The following MAPK10 variants were observed in gnomAD, a reference collection of about 807,000 sequenced individuals.
MAPK10 encodes the protein JNK3 alpha protein kinase.
In MAPK10, 25 loss-of-function variants were observed where a neutral mutation model predicts 59.3. The observed-to-expected ratio is 0.42, with a 90% CI of 0.31 to 0.59. The LOEUF is 0.59. Ranked by LOEUF, MAPK10 falls within the 20% of genes least tolerant of loss-of-function variation. MAPK10 has a pLI of 0.15. For synonymous variants in MAPK10, 190 were observed against 200.5 expected (o/e 0.95, Z 0.44); for missense variants, 351 against 568.9 (o/e 0.62, Z 3.90).
rs998718994 is a variant in MAPK10 at position 86,046,023 on chromosome 4, G to C, written c.1111-14592C>G. On this transcript the variant is annotated intron_variant, in intron 11 of 13. Coordinates refer to ENST00000641462, the MANE Select transcript of MAPK10 (RefSeq NM_138982.4). ...TCACTAGACCATGGGACAAAGAATT[G>C]AGAATAAAAGACCTAGGAATCCAAC... Among the ~76,000 whole-genome samples, 4 of 151,788 alleles carry C rather than the reference G, an allele frequency of 2.6e-5. 1 individual carries two copies. The East Asian group carries it at 8.0e-4, about 30-fold the overall frequency.
intron 1 of MAPK10, among the ~76,000 whole-genome samples, chr4:86,520,040 T>A (rs990451373): frequency 6.6e-6 from 1 of 152,204 alleles, no homozygotes; most frequent in Non-Finnish European, 1.5e-5. Flanking sequence ...GCCTCACAGC[T>A]CTTAAGATTC....
chr4:86,183,803 T>C (rs879415655), intron 3 of MAPK10, among the ~76,000 whole-genome samples: 94 of 152,332 alleles, frequency 6.2e-4, no homozygotes, highest in Non-Finnish European at 1.1e-3. Context: ...CAGCACCTGT[T>C]GTTTCCTGAC....
At chr4:86,298,376 G>C (rs1301825285) in intron 2 of MAPK10, among the ~76,000 whole-genome samples, 1 of 152,050 alleles carries the variant, frequency 6.6e-6, no homozygotes, top group Non-Finnish European at 1.5e-5. Flanking sequence ...ACAATAAATA[G>C]GTCTGAAGTT....
chr4:86,447,254 C>A (rs1284918600), intron 1 of MAPK10, among the ~76,000 whole-genome samples: 3 of 152,114 alleles, frequency 2.0e-5, no homozygotes, highest in Non-Finnish European at 2.9e-5. Flanking sequence ...AGGGGCTCTT[C>A]CCACTTCGCT....
chr4:86,325,462 C>T (rs1362293507), intron 2 of MAPK10, among the ~76,000 whole-genome samples: 1 of 152,166 alleles, frequency 6.6e-6, no homozygotes, highest in Non-Finnish European at 1.5e-5. Context: ...GCTTGCTTAA[C>T]CACCATACTA....
Position 86,067,762 on chromosome 4 carries a change from G to GA in MAPK10, c.985+10dup. On this transcript the variant is annotated intron_variant, in intron 10 of 13. Coordinates refer to ENST00000641462, the MANE Select transcript of MAPK10 (RefSeq NM_138982.4). ...TCATAGTTGTCCTCAAGTCATTCCTGAAGGGCATACCTTTGAGTTTATTGT... is the reference window on the plus strand; with the variant it reads ...TCATAGTTGTCCTCAAGTCATTCCTGAAAGGGCATACCTTTGAGTTTATTGT... 1 of 1,602,222 alleles carries GA rather than the reference G, an allele frequency of 6.2e-7. No individual in the cohort carries two copies. Among genetic ancestry groups the GA allele is most frequent in the Non-Finnish European group, 8.5e-7 (1 of 1,173,856 alleles).
rs181059314 is a variant in MAPK10 at position 86,301,824 on chromosome 4, T to C, written c.-7+52706A>G. On this transcript the variant is annotated intron_variant, in intron 2 of 13. Coordinates refer to ENST00000641462, the MANE Select transcript of MAPK10 (RefSeq NM_138982.4). ...ATCCAGGCAGAGAGTGTCCCAGTTC[T>C]CCACACTGAGAACCACTACACAACC... Among the ~76,000 whole-genome samples, 342 of 151,846 alleles carry C rather than the reference T, an allele frequency of 2.3e-3. 1 individual carries two copies. Among genetic ancestry groups the C allele is most frequent in the African/African-American group, 7.6e-3 (312 of 41,134 alleles).
In MAPK10 at chr4:86,103,136, GGCT is replaced by G; in HGVS notation, c.425+47_425+49del. On this transcript the variant is annotated intron_variant, in intron 6 of 13. Coordinates refer to ENST00000641462, the MANE Select transcript of MAPK10 (RefSeq NM_138982.4). ...GTGTGTGGTGTGTGATTTTCCCTTG[GGCT>G]ATCTGAGTGCTGTGCTCTCCCTTCC... 3 of 1,116,250 alleles carry G rather than the reference GGCT, an allele frequency of 2.7e-6. No individual in the cohort carries two copies. The South Asian group carries it at 3.8e-5, about 14-fold the overall frequency. The allele number at this position is 1,116,250 out of a possible 1,614,324, so 69.1% of individuals were successfully genotyped here.
At chr4:86,076,357 C>T (rs888502855) in intron 9 of MAPK10, among the ~76,000 whole-genome samples, 1 of 152,212 alleles carries the variant, frequency 6.6e-6, no homozygotes, top group African/African-American at 2.4e-5. Context: ...CCATCTTCTG[C>T]GTCGCTCACG....
intron 11 of MAPK10, among the ~76,000 whole-genome samples, chr4:86,038,719 G>T (rs2040868746): frequency 6.6e-6 from 1 of 151,978 alleles, no homozygotes. Flanking sequence ...TTTCTCTAAA[G>T]CCTTATATTC....
At chr4:86,234,892 T>C (rs1234579068) in intron 2 of MAPK10, among the ~76,000 whole-genome samples, 1 of 152,166 alleles carries the variant, frequency 6.6e-6, no homozygotes, top group African/African-American at 2.4e-5. Context: ...TTTATTTACT[T>C]GATAAAGTAA....
intron 2 of MAPK10, among the ~76,000 whole-genome samples, chr4:86,251,254 C>T (rs1342217615): frequency 1.3e-5 from 2 of 151,584 alleles, no homozygotes; most frequent in South Asian, 2.1e-4. Context: ...ATACATGTGC[C>T]ATGCTGGTGC....
intron 3 of MAPK10, chr4:86,160,194 C>T (rs1187447328): frequency 6.6e-6 from 1 of 151,376 alleles, no homozygotes; most frequent in Non-Finnish European, 1.5e-5. Context: ...ATTGATGAGT[C>T]TGTCTTTAAA....
chr4:86,068,727 A>G (rs1303546004), intron 9 of MAPK10, among the ~76,000 whole-genome samples: 1 of 152,102 alleles, frequency 6.6e-6, no homozygotes, highest in African/African-American at 2.4e-5. Context: ...AAAAAATATT[A>G]CCTCTCTATG....
intron 2 of MAPK10, among the ~76,000 whole-genome samples, chr4:86,238,977 T>C (rs1391154180): frequency 2.0e-5 from 3 of 152,230 alleles, no homozygotes; most frequent in African/African-American, 4.8e-5. Flanking sequence ...ATATTGGCTA[T>C]GGGTTTGTCA....
chr4:86,496,627 T>A (rs1004262117), intron 1 of MAPK10, among the ~76,000 whole-genome samples: 1 of 152,130 alleles, frequency 6.6e-6, no homozygotes, highest in African/African-American at 2.4e-5. Flanking sequence ...CTAGGTTAAG[T>A]TTTTTTAGAG....
intron 1 of MAPK10, among the ~76,000 whole-genome samples, chr4:86,581,327 C>T (rs987054211): frequency 1.8e-4 from 28 of 151,404 alleles, no homozygotes; most frequent in Non-Finnish European, 4.4e-5. Context: ...GAAATAATTT[C>T]AACACATATA....
chr4:86,166,085 G>A (rs2071614131), intron 3 of MAPK10, among the ~76,000 whole-genome samples: 1 of 152,164 alleles, frequency 6.6e-6, no homozygotes. Context: ...CGAAGGTGGG[G>A]AACTAATACT....
chr4:86,538,483 T>C (rs1467191675), intron 1 of MAPK10, among the ~76,000 whole-genome samples: 1 of 152,224 alleles, frequency 6.6e-6, no homozygotes, highest in Non-Finnish European at 1.5e-5. Flanking sequence ...TCTTAATTTC[T>C]GGGAGACAAA....
Sources: allele counts gnomAD v4.1 joint callset (sites outside exome capture counted in the v4.1 genomes callset), GRCh38; gene constraint gnomAD v4.1.1; transcripts MANE v1.5; gene names NCBI Gene and HGNC (gene_info 2026-07-23, HGNC 2026-07-21).